TCF3: variants seen among roughly 807,000 people sequenced by gnomAD.
The protein encoded by TCF3 is transcription factor E2-alpha.
A neutral mutation model predicts 72.3 loss-of-function variants in TCF3; 54 were observed. The observed-to-expected ratio is 0.75, with a 90% CI of 0.60 to 0.94. TCF3 has a LOEUF of 0.94. Ranked by LOEUF, TCF3 falls within the 40% of genes least tolerant of loss-of-function variation. The pLI is 0.00. For synonymous variants in TCF3, 525 were observed against 412.6 expected, an observed-to-expected ratio of 1.27 and a Z score of -3.30; for missense variants, 1,078 against 934.4, an observed-to-expected ratio of 1.15 and a Z score of -2.00.
At position 1,615,681 on chromosome 19, in the gene TCF3, G is replaced by A. The variant is rs762670526; in HGVS notation, c.1586+5C>T. ...GGTGGGGAGTGCCGAGGGGTGGGTT[G>A]GCACCTGGTCCGGGCCCGGGGGGCC... On this transcript the variant is annotated splice_donor_5th_base_variant and intron_variant, in intron 17 of 18. Coordinates refer to ENST00000262965, the MANE Select transcript of TCF3 (RefSeq NM_003200.5). The surrounding 1 kb of genome is among the most constrained non-coding windows in gnomAD (Gnocchi z 7.3). 28 of 1,613,392 alleles carry A rather than the reference G, an allele frequency of 1.7e-5. 1 individual carries two copies. In the South Asian group the frequency reaches 3.1e-4, roughly 18 times the overall value.
chr19:1,618,992 C>T lies in TCF3; in HGVS notation c.1450+119G>A, dbSNP rs2061850952. 3 of 1,515,446 alleles carry T rather than the reference C, an allele frequency of 2.0e-6. No homozygotes were observed. In the Admixed American group the frequency reaches 6.0e-5, roughly 30 times the overall value. The allele number at this position is 1,515,446 out of a possible 1,614,324, so 93.9% of individuals were successfully genotyped here. A position where few individuals can be genotyped will look rare whatever the true frequency, so the allele number is the denominator to read the frequency against. ...AAGTTGCTGACTGGGGCGCCCATGTCACCAGGTGCCCCCACGGTGACACCT... is the reference window on the plus strand; with the variant it reads ...AAGTTGCTGACTGGGGCGCCCATGTTACCAGGTGCCCCCACGGTGACACCT... On this transcript the variant is annotated intron_variant, in intron 16 of 18. Coordinates refer to ENST00000262965, the MANE Select transcript of TCF3 (RefSeq NM_003200.5).
chr19:1,617,725 G>A (rs1374970666), intron 16 of TCF3, among the ~76,000 whole-genome samples: 3 of 152,230 alleles, frequency 2.0e-5, no homozygotes, highest in Non-Finnish European at 4.4e-5. Flanking sequence ...GGGAGCCTAT[G>A]GGTGAAAGAC....
intron 6 of TCF3, 95 bp downstream of exon 6, chr19:1,627,264 C>G (rs573586069): frequency 6.6e-6 from 6 of 915,326 alleles, no homozygotes; most frequent in South Asian, 1.6e-5. Flanking sequence ...CAAACATAAC[C>G]TAGCTAAGCC....
chr19:1,626,625 A>G (rs1205164469), intron 6 of TCF3, among the ~76,000 whole-genome samples: 1 of 151,838 alleles, frequency 6.6e-6, no homozygotes, highest in African/African-American at 2.4e-5. Flanking sequence ...CCCGAGCCCT[A>G]GTTCTGCTTC....
Position 1,610,275 on chromosome 19 carries a change from A to G in TCF3, c.*1432T>C, listed in dbSNP as rs771892907. On this transcript the variant is annotated 3_prime_UTR_variant, in exon 19 of 19. Transcript: ENST00000262965. Reference sequence around the variant, plus strand: ...CAGACCAGCACAGTCCCCCGGCTCCAGCCACTCTTGCCCTTGGACCACACA... The same window carrying G: ...CAGACCAGCACAGTCCCCCGGCTCCGGCCACTCTTGCCCTTGGACCACACA... The G allele has an allele frequency of 4.3e-6, 1 of 232,130 alleles. No individual in the cohort carries two copies. The highest frequency in any genetic ancestry group is 8.5e-6 in the Non-Finnish European group (1 of 117,458). The allele number at this position is 232,130 out of a possible 1,614,324, so 14.4% of individuals were successfully genotyped here.
At chr19:1,651,016 T>C in intron 1 of TCF3, 1 of 231,376 alleles carries the variant, frequency 4.3e-6, no homozygotes, top group Non-Finnish European at 8.5e-6. Context: ...ATCCGGGAAT[T>C]ATTTTTAAGC....
chr19:1,652,155 C>G (rs1366805265), intron 1 of TCF3, 145 bp downstream of exon 1: 1 of 149,194 alleles, frequency 6.7e-6, no homozygotes, highest in South Asian at 2.1e-4. Context: ...CAATGACTCC[C>G]GGGCCGCGGG....
At chr19:1,613,519 T>C (rs1325116152) in intron 18 of TCF3, among the ~76,000 whole-genome samples, 1 of 152,080 alleles carries the variant, frequency 6.6e-6, no homozygotes, top group Non-Finnish European at 1.5e-5. Flanking sequence ...CCCAAGATGA[T>C]GACTTTCCCT....
chr19:1,613,710 C>T (rs956510877), intron 18 of TCF3, among the ~76,000 whole-genome samples: 13 of 152,176 alleles, frequency 8.5e-5, no homozygotes, highest in Admixed American at 3.9e-4. Context: ...TCCCATCCCC[C>T]GAGACCCCCA....
chr19:1,651,298 G>A (rs1270008938), intron 1 of TCF3: 3 of 228,770 alleles, frequency 1.3e-5, no homozygotes, highest in Non-Finnish European at 2.6e-5. Flanking sequence ...TGGGGGTGGG[G>A]AGGAGCCTCC....
At chr19:1,624,498 A>G (rs1815821756) in intron 7 of TCF3, among the ~76,000 whole-genome samples, 1 of 152,228 alleles carries the variant, frequency 6.6e-6, no homozygotes, top group Non-Finnish European at 1.5e-5. Flanking sequence ...CGCGACGCGC[A>G]GTTTGGAAAA....
chr19:1,642,219 G>C (rs112174851), intron 3 of TCF3, among the ~76,000 whole-genome samples: 2 of 149,004 alleles, frequency 1.3e-5, no homozygotes, highest in African/African-American at 5.0e-5. Flanking sequence ...CACACGCGCA[G>C]ACGCACAGAC....
rs547105617 is a variant in TCF3 at position 1,635,301 on chromosome 19, G to A, written c.146-2896C>T. ...GCTTGCCCCATAGCTACAGCAGCGGGTTAAGCCCAGTCCCTGCAGCAGCTT... is the reference window on the plus strand; with the variant it reads ...GCTTGCCCCATAGCTACAGCAGCGGATTAAGCCCAGTCCCTGCAGCAGCTT... On this transcript the variant is annotated intron_variant, in intron 3 of 18. Coordinates refer to ENST00000262965, the MANE Select transcript of TCF3 (RefSeq NM_003200.5). Among the ~76,000 whole-genome samples the A allele has an allele frequency of 3.3e-5, 5 of 152,306 alleles. No homozygotes were observed. In the South Asian group the frequency reaches 1.0e-3, roughly 32 times the overall value.
intron 3 of TCF3, among the ~76,000 whole-genome samples, chr19:1,645,929 C>T (rs987964795): frequency 2.0e-5 from 3 of 152,158 alleles, no homozygotes; most frequent in African/African-American, 4.8e-5. Context: ...TGAAAGTCGT[C>T]GAGGCTCACA....
At position 1,639,022 on chromosome 19, in the gene TCF3, T is replaced by C. The variant is rs183148495; in HGVS notation, c.146-6617A>G. Among the ~76,000 whole-genome samples, 9 of 152,244 alleles carry C rather than the reference T, an allele frequency of 5.9e-5. No homozygotes were observed. The East Asian group carries it at 1.7e-3, about 29-fold the overall frequency. On this transcript the variant is annotated intron_variant, in intron 3 of 18. Coordinates refer to ENST00000262965, the MANE Select transcript of TCF3 (RefSeq NM_003200.5). ...CCAACAAAAAGGAAGGGTTGCAACC[T>C]TCATATCGAAGTTTCAATTCAAGGG...
At chr19:1,613,116 C>T (rs910839692) in intron 18 of TCF3, among the ~76,000 whole-genome samples, 5 of 151,730 alleles carry the variant, frequency 3.3e-5, no homozygotes, top group African/African-American at 1.2e-4. Context: ...GGGTACACGG[C>T]TGGTGTTGGT....
chr19:1,633,669 G>A (rs992496376), intron 3 of TCF3, among the ~76,000 whole-genome samples: 1 of 152,168 alleles, frequency 6.6e-6, no homozygotes, highest in African/African-American at 2.4e-5. Flanking sequence ...AATTTCCAAT[G>A]TGATTATGAG....
chr19:1,626,172 C>G (rs10410646), intron 6 of TCF3, among the ~76,000 whole-genome samples: 1 of 152,150 alleles, frequency 6.6e-6, no homozygotes, highest in Non-Finnish European at 1.5e-5. Flanking sequence ...GTTCTAAGGC[C>G]GGGCACGGTG....
chr19:1,638,165 G>C (rs777332841), intron 3 of TCF3, among the ~76,000 whole-genome samples: 1 of 152,212 alleles, frequency 6.6e-6, no homozygotes, highest in South Asian at 2.1e-4. Flanking sequence ...CCCTCTGGGG[G>C]CACTTTGTGA....
Sources: allele counts gnomAD v4.1 joint callset (sites outside exome capture counted in the v4.1 genomes callset), GRCh38; gene constraint gnomAD v4.1.1; non-coding constraint Gnocchi (gnomAD v3.1); transcripts MANE v1.5; gene names NCBI Gene and HGNC (gene_info 2026-07-23, HGNC 2026-07-21).